The following HPSE2 variants were observed in gnomAD, a reference collection of about 807,000 sequenced individuals.
HPSE2 encodes inactive heparanase-2.
HPSE2 carries 38 observed loss-of-function variants against 60.5 expected under a neutral mutation model. The observed-to-expected ratio is 0.63, with a 90% CI of 0.48 to 0.82. The LOEUF is 0.82. HPSE2 is among the 40% of genes least tolerant of loss of function. The pLI, the probability that HPSE2 is intolerant of heterozygous loss-of-function variation, is 0.00. For missense variants in HPSE2, 713 were observed against 740.4 expected (o/e 0.96, Z 0.43); for synonymous variants, 295 against 293.2 (o/e 1.01, Z -0.06).
intron 9 of HPSE2, among the ~76,000 whole-genome samples, chr10:98,519,185 T>TATC (rs754925088): frequency 2.6e-5 from 4 of 152,134 alleles, no homozygotes; most frequent in Non-Finnish European, 2.9e-5. Flanking sequence ...TTTGGCTAGA[T>TATC]ATCATCATCA....
At chr10:98,899,248 C>T (rs1262599504) in intron 3 of HPSE2, among the ~76,000 whole-genome samples, 2 of 152,138 alleles carry the variant, frequency 1.3e-5, no homozygotes, top group Non-Finnish European at 2.9e-5. Flanking sequence ...GGCAGCAGGC[C>T]AGATTTGACC....
chr10:98,543,048 G>A (rs1400292051), intron 9 of HPSE2, among the ~76,000 whole-genome samples: 1 of 152,116 alleles, frequency 6.6e-6, no homozygotes, highest in Non-Finnish European at 1.5e-5. Context: ...AAGTTGAAAT[G>A]AAGGAAAAAA....
chr10:99,132,241 G>GAGAGAAAGAAAGAAAGAA (rs1845466494), intron 3 of HPSE2, among the ~76,000 whole-genome samples: 2 of 28,962 alleles, frequency 6.9e-5, no homozygotes, highest in East Asian at 9.6e-4. Flanking sequence ...GAGAGAGAGA[G>GAGAGAAAGAAAGAAAGAA]AGAAAGAAAG....
In HPSE2 at chr10:98,939,996, G is replaced by A. The variant is rs1381349022; in HGVS notation, c.611-195940C>T. Among the ~76,000 whole-genome samples, 5 of 143,678 alleles carry A rather than the reference G, an allele frequency of 3.5e-5. 2 individuals are homozygous for A. Among genetic ancestry groups the A allele is most frequent in the Non-Finnish European group, 6.0e-5 (4 of 67,130 alleles). The allele number at this position is 143,678 out of a possible 152,430, so 94.3% of individuals were successfully genotyped here. A position where few individuals can be genotyped will look rare whatever the true frequency, so the allele number is the denominator to read the frequency against. On this transcript the variant is annotated intron_variant, in intron 3 of 11. Coordinates refer to ENST00000370552, the MANE Select transcript of HPSE2 (RefSeq NM_021828.5). ...CCTGAATGACTACTGGGTACACAAC[G>A]AAATGAAGGCAGAAATAAAGATGTC...
chr10:98,742,358 T>A (rs1186311439), intron 4 of HPSE2, among the ~76,000 whole-genome samples: 1 of 152,074 alleles, frequency 6.6e-6, no homozygotes, highest in African/African-American at 2.4e-5. Context: ...TTTTGAGAAA[T>A]CCAAATTCCA....
intron 3 of HPSE2, among the ~76,000 whole-genome samples, chr10:98,920,135 C>A (rs1487865221): frequency 6.6e-6 from 1 of 152,214 alleles, no homozygotes; most frequent in Non-Finnish European, 1.5e-5. Flanking sequence ...CAGGCAATGA[C>A]TAAGCACAGA....
chr10:98,675,812 G>A (rs889806357), intron 6 of HPSE2, among the ~76,000 whole-genome samples: 1 of 152,020 alleles, frequency 6.6e-6, no homozygotes, highest in Non-Finnish European at 1.5e-5. Flanking sequence ...GGAGGATTGC[G>A]TGAGCCCAGG....
At chr10:99,094,635 C>A (rs1269831417) in intron 3 of HPSE2, among the ~76,000 whole-genome samples, 1 of 140,020 alleles carries the variant, frequency 7.1e-6, no homozygotes, top group African/African-American at 2.7e-5. Flanking sequence ...TGGCTCTCTG[C>A]AACCTCTACC....
At position 98,540,124 on chromosome 10, in the gene HPSE2, A is replaced by T. The variant is rs184793963; in HGVS notation, c.1321-49928T>A. On this transcript the variant is annotated intron_variant, in intron 9 of 11. Coordinates refer to ENST00000370552, the MANE Select transcript of HPSE2 (RefSeq NM_021828.5). Reference sequence around the variant, plus strand: ...GGGCTAGAAATAGTCTCTTTTGTTCATTGTGCTTCCTGGTAACTAAAAGAA... The same window carrying T: ...GGGCTAGAAATAGTCTCTTTTGTTCTTTGTGCTTCCTGGTAACTAAAAGAA... Among the ~76,000 whole-genome samples, 232 of 152,330 alleles carry T rather than the reference A, an allele frequency of 1.5e-3. 1 individual carries two copies. Among genetic ancestry groups the T allele is most frequent in the Non-Finnish European group, 3.0e-3 (203 of 68,022 alleles).
intron 3 of HPSE2, among the ~76,000 whole-genome samples, chr10:99,086,540 G>C (rs868285035): frequency 2.6e-5 from 4 of 151,122 alleles, no homozygotes; most frequent in Admixed American, 6.6e-5. Flanking sequence ...TTTTAGTAGA[G>C]ACGGGGTTTC....
intron 1 of HPSE2, among the ~76,000 whole-genome samples, chr10:99,234,387 G>A (rs559538191): frequency 6.6e-6 from 1 of 152,178 alleles, no homozygotes; most frequent in Non-Finnish European, 1.5e-5. Flanking sequence ...CTCGAATTTC[G>A]CAAGGAGTGA....
chr10:98,875,548 C>CA (rs774488934), intron 3 of HPSE2, among the ~76,000 whole-genome samples: 36 of 146,536 alleles, frequency 2.5e-4, no homozygotes, highest in Middle Eastern at 7.0e-3. Context: ...GCCTACCAAC[C>CA]AAAAAAAAAA....
At chr10:98,485,452 C>T (rs1250732226) in intron 10 of HPSE2, among the ~76,000 whole-genome samples, 1 of 152,214 alleles carries the variant, frequency 6.6e-6, no homozygotes, top group Non-Finnish European at 1.5e-5. Flanking sequence ...GTTCCTCCTC[C>T]TCCGGTCCTT....
chr10:98,800,790 A>G (rs868088815), intron 3 of HPSE2, among the ~76,000 whole-genome samples: 3 of 152,202 alleles, frequency 2.0e-5, no homozygotes, highest in African/African-American at 7.2e-5. Flanking sequence ...GAATTTTACC[A>G]TACATTTAAA....
intron 3 of HPSE2, among the ~76,000 whole-genome samples, chr10:98,862,499 T>C (rs1952481802): frequency 1.3e-5 from 2 of 152,196 alleles, no homozygotes. Flanking sequence ...TACTGAAATG[T>C]GGATGATGAA....
At chr10:98,960,740 ATTTTTT>A (rs63389761) in intron 3 of HPSE2, among the ~76,000 whole-genome samples, 11 of 95,920 alleles carry the variant, frequency 1.1e-4, no homozygotes, top group South Asian at 9.6e-4. Flanking sequence ...TTTTTATTTT[ATTTTTT>A]TTTTTATTAT....
At chr10:98,734,894 C>CACACAA (rs1184212158) in intron 4 of HPSE2, among the ~76,000 whole-genome samples, 1 of 150,428 alleles carries the variant, frequency 6.6e-6, no homozygotes, top group Non-Finnish European at 1.5e-5. Context: ...CCCTTACACA[C>CACACAA]ACACACACAC....
intron 10 of HPSE2, among the ~76,000 whole-genome samples, 183 bp from the exon 11 acceptor site, chr10:98,482,965 C>T (rs1941301267): frequency 6.6e-6 from 1 of 152,132 alleles, no homozygotes; most frequent in Non-Finnish European, 1.5e-5. Context: ...AAGATGATAG[C>T]CACTTCCTGC....
chr10:98,539,574 C>G (rs115419469), intron 9 of HPSE2, among the ~76,000 whole-genome samples: 1 of 152,100 alleles, frequency 6.6e-6, no homozygotes, highest in Non-Finnish European at 1.5e-5. Context: ...GCTGTGTGAT[C>G]CTGTTTTTAG....
Sources: gnomAD v4.1 joint callset for allele counts (sites outside exome capture counted in the v4.1 genomes callset) on GRCh38, gnomAD v4.1.1 for gene constraint, MANE v1.5 for transcripts, NCBI Gene and HGNC (gene_info 2026-07-23, HGNC 2026-07-21) for gene names.